Variants in PDE11A observed in about 807,000 individuals in gnomAD.
PDE11A encodes dual 3',5'-cyclic-AMP and -GMP phosphodiesterase 11A.
A neutral mutation model predicts 100.5 loss-of-function variants in PDE11A; 100 were observed. That is an observed-to-expected ratio of 1.00 (90% CI 0.85 to 1.18). The LOEUF (loss-of-function observed/expected upper bound fraction) is 1.18. PDE11A is among the 50% of genes most tolerant of loss of function. The pLI is 0.00. For synonymous variants in PDE11A, 381 were observed against 420.8 expected, an observed-to-expected ratio of 0.91 and a Z score of 1.16; for missense variants, 1,141 against 1,152.6, an observed-to-expected ratio of 0.99 and a Z score of 0.15.
chr2:177,642,690 T>C (rs1106074), intron 19 of PDE11A, among the ~76,000 whole-genome samples: 24,964 of 152,120 alleles, frequency 0.16, 3,324 homozygotes, highest in African/African-American at 0.37. Context: ...ATTCTCTTGC[T>C]CTTGTCCCTA....
At chr2:177,677,607 A>C (rs1398132973) in intron 16 of PDE11A, among the ~76,000 whole-genome samples, 1 of 152,188 alleles carries the variant, frequency 6.6e-6, no homozygotes, top group African/African-American at 2.4e-5. Flanking sequence ...GGTTTGAAGA[A>C]GGAGAGGGTG....
At chr2:178,040,793 G>T (rs2086674315) in intron 1 of PDE11A, among the ~76,000 whole-genome samples, 1 of 151,980 alleles carries the variant, frequency 6.6e-6, no homozygotes, top group Non-Finnish European at 1.5e-5. Context: ...AAATAGAATT[G>T]CCTTCCTTCT....
At chr2:177,916,402 C>T (rs559793827) in intron 2 of PDE11A, among the ~76,000 whole-genome samples, 65 of 152,318 alleles carry the variant, frequency 4.3e-4, no homozygotes, top group African/African-American at 1.4e-3. Context: ...TTTCACTTTC[C>T]TACATCCCTA....
intron 2 of PDE11A, among the ~76,000 whole-genome samples, chr2:178,096,051 C>T (rs1034386844): frequency 6.6e-6 from 1 of 152,108 alleles, no homozygotes; most frequent in Non-Finnish European, 1.5e-5. Flanking sequence ...GCCCTGGAGA[C>T]ATTTTCCCCA....
chr2:177,933,833 T>C (rs1488469309), intron 2 of PDE11A, among the ~76,000 whole-genome samples: 1 of 152,258 alleles, frequency 6.6e-6, no homozygotes, highest in East Asian at 1.9e-4. Context: ...GCCACACACC[T>C]ACAGTCACCT....
chr2:177,651,816 T>A (rs1159059121), intron 19 of PDE11A, among the ~76,000 whole-genome samples: 1 of 152,122 alleles, frequency 6.6e-6, no homozygotes, highest in Non-Finnish European at 1.5e-5. Flanking sequence ...CTGTAGCTCA[T>A]CCCTCTGCTT....
intron 6 of PDE11A, among the ~76,000 whole-genome samples, chr2:177,837,929 T>C (rs1231996549): frequency 6.6e-6 from 1 of 152,248 alleles, no homozygotes; most frequent in East Asian, 1.9e-4. Context: ...TACCCAAGTA[T>C]GTTTAAAGGA....
intron 2 of PDE11A, among the ~76,000 whole-genome samples, chr2:177,968,485 C>T (rs1010156805): frequency 2.0e-5 from 3 of 152,168 alleles, no homozygotes; most frequent in African/African-American, 7.2e-5. Flanking sequence ...TGATGTTCTT[C>T]TAAGTGATGC....
intron 1 of PDE11A, among the ~76,000 whole-genome samples, chr2:178,064,743 GA>G (rs2087021288): frequency 6.6e-6 from 1 of 151,210 alleles, no homozygotes; most frequent in Non-Finnish European, 1.5e-5. Flanking sequence ...AGGATCACTT[GA>G]GCCCAGGAGT....
At chr2:177,828,821 T>C (rs1407570955) in intron 6 of PDE11A, among the ~76,000 whole-genome samples, 3 of 152,090 alleles carry the variant, frequency 2.0e-5, no homozygotes, top group Admixed American at 6.6e-5. Flanking sequence ...AATTGCAAAT[T>C]TGGCTTTTAC....
chr2:177,892,182 T>C (rs1214693495), intron 4 of PDE11A, among the ~76,000 whole-genome samples: 1 of 152,242 alleles, frequency 6.6e-6, no homozygotes, highest in Non-Finnish European at 1.5e-5. Context: ...CCCTCATACA[T>C]TAATGAGTTT....
chr2:177,945,455 A>C (rs1409196271), intron 2 of PDE11A, among the ~76,000 whole-genome samples: 2 of 130,348 alleles, frequency 1.5e-5, no homozygotes, highest in African/African-American at 5.8e-5. Flanking sequence ...AGATGTGGGG[A>C]GTGCCTCTGC....
In PDE11A at chr2:178,071,623, G is replaced by T. The variant is rs1160170535; in HGVS notation, c.815C>A (p.Thr272Lys). Reference sequence around the variant, plus strand: ...GACCTGCACCTCATTTGAGTTCTCTGTGCTGCTGCAAGGCAGCAGAGGTGT... The same window carrying T: ...GACCTGCACCTCATTTGAGTTCTCTTTGCTGCTGCAAGGCAGCAGAGGTGT... ...AGTPLLPCSSTENSNEVQVPW... is the reference protein window; with the variant it reads ...AGTPLLPCSSKENSNEVQVPW... Residue 272 changes from threonine (T) to lysine (K), a missense_variant, in exon 1 of 20, where the codon ACA (threonine) becomes AAA (lysine). Thr to Lys is a moderately conservative substitution (Grantham distance 78). Coordinates refer to ENST00000286063, the MANE Select transcript of PDE11A (RefSeq NM_016953.4). The T allele has an allele frequency of 6.2e-7, 1 of 1,613,066 alleles. No homozygotes were observed. The highest frequency in any genetic ancestry group is 1.3e-5 in the African/African-American group (1 of 74,980).
intron 9 of PDE11A, among the ~76,000 whole-genome samples, chr2:177,795,623 AC>A (rs1293288245): frequency 6.6e-6 from 1 of 151,974 alleles, no homozygotes; most frequent in Non-Finnish European, 1.5e-5. Context: ...TCCTCTTTCC[AC>A]TGGGCAGGGA....
Position 178,032,660 on chromosome 2 carries a change from A to G in PDE11A, c.913-18200T>C, listed in dbSNP as rs368751562. Reference sequence around the variant, plus strand: ...CTCATACAGGAGAGCTCTGGCTGGCATTAGGCCAGGGCCTCCCTAGAATGA... The same window carrying G: ...CTCATACAGGAGAGCTCTGGCTGGCGTTAGGCCAGGGCCTCCCTAGAATGA... On this transcript the variant is annotated intron_variant, in intron 1 of 19. Coordinates refer to ENST00000286063, the MANE Select transcript of PDE11A (RefSeq NM_016953.4). Among the ~76,000 whole-genome samples, 3 of 152,178 alleles carry G rather than the reference A, an allele frequency of 2.0e-5. No individual in the cohort carries two copies. In the East Asian group the frequency reaches 5.8e-4, roughly 29 times the overall value.
intron 5 of PDE11A, among the ~76,000 whole-genome samples, chr2:177,870,960 T>C (rs1477303728): frequency 6.6e-6 from 1 of 152,212 alleles, no homozygotes; most frequent in African/African-American, 2.4e-5. Flanking sequence ...TAATTCCTTA[T>C]TGTTCTAAAA....
At chr2:177,964,393 C>G (rs1445813177) in intron 2 of PDE11A, among the ~76,000 whole-genome samples, 1 of 151,686 alleles carries the variant, frequency 6.6e-6, no homozygotes, top group Non-Finnish European at 1.5e-5. Flanking sequence ...TTCTTTCCAA[C>G]TTTTATTTTA....
intron 1 of PDE11A, among the ~76,000 whole-genome samples, chr2:178,067,264 C>G (rs1434881289): frequency 1.3e-5 from 2 of 152,142 alleles, no homozygotes; most frequent in Non-Finnish European, 2.9e-5. Flanking sequence ...CTGCTGCCAC[C>G]AGGTTACCCA....
chr2:177,788,218 C>T (rs1038833756), intron 9 of PDE11A, among the ~76,000 whole-genome samples: 6 of 151,426 alleles, frequency 4.0e-5, no homozygotes, highest in African/African-American at 1.2e-4. Flanking sequence ...CAAACTAGAA[C>T]TCAGGATTAA....
Sources: allele counts gnomAD v4.1 joint callset (sites outside exome capture counted in the v4.1 genomes callset), GRCh38; gene constraint gnomAD v4.1.1; transcripts MANE v1.5; gene names NCBI Gene and HGNC (gene_info 2026-07-23, HGNC 2026-07-21).